Variants in CTNNA3 observed in about 807,000 individuals in gnomAD.
CTNNA3 encodes catenin alpha 3.
CTNNA3 carries 76 observed loss-of-function variants against 95.7 expected under a neutral mutation model. The ratio of observed to expected loss-of-function variants is 0.79; its 90% CI spans 0.66 to 0.96. The LOEUF (loss-of-function observed/expected upper bound fraction) is 0.96. Ranked by LOEUF, CTNNA3 falls within the 40% of genes least tolerant of loss-of-function variation. The pLI, the probability that CTNNA3 is intolerant of heterozygous loss-of-function variation, is 0.00. For missense variants in CTNNA3, 1,191 were observed against 1,089.8 expected, an observed-to-expected ratio of 1.09 and a Z score of -1.31; for synonymous variants, 431 against 374.4, an observed-to-expected ratio of 1.15 and a Z score of -1.74.
chr10:66,030,268 T>A (rs1180278156), intron 15 of CTNNA3, among the ~76,000 whole-genome samples: 1 of 152,010 alleles, frequency 6.6e-6, no homozygotes. Flanking sequence ...GCCAAAGCAA[T>A]CCTAAGCAAA....
intron 9 of CTNNA3, among the ~76,000 whole-genome samples, chr10:66,710,463 T>A (rs1848254296): frequency 6.6e-6 from 1 of 152,014 alleles, no homozygotes; most frequent in Non-Finnish European, 1.5e-5. Context: ...AATGATATGC[T>A]CCACTGCTAG....
At chr10:66,704,849 C>A (rs959253113) in intron 9 of CTNNA3, among the ~76,000 whole-genome samples, 1 of 152,132 alleles carries the variant, frequency 6.6e-6, no homozygotes, top group Non-Finnish European at 1.5e-5. Flanking sequence ...TAAAGCTTTA[C>A]TTCTTCCTTT....
chr10:67,696,909 C>T (rs548395259), upstream of CTNNA3, among the ~76,000 whole-genome samples: 4 of 152,214 alleles, frequency 2.6e-5, no homozygotes, highest in South Asian at 4.2e-4. Context: ...ACCATTTTTC[C>T]GACTTTCTTC....
intron 5 of CTNNA3, among the ~76,000 whole-genome samples, chr10:67,266,917 T>A (rs762991299): frequency 2.0e-5 from 3 of 152,238 alleles, no homozygotes; most frequent in Non-Finnish European, 2.9e-5. Context: ...TCAAATTCTA[T>A]GCTATAAATG....
intron 13 of CTNNA3, among the ~76,000 whole-genome samples, chr10:66,268,046 T>C (rs2091195796): frequency 1.3e-5 from 2 of 152,154 alleles, no homozygotes; most frequent in South Asian, 4.1e-4. Context: ...TGACTTATGG[T>C]CACATAATTG....
intron 7 of CTNNA3, among the ~76,000 whole-genome samples, chr10:67,120,060 T>A (rs1056575958): frequency 1.3e-5 from 2 of 151,862 alleles, no homozygotes; most frequent in Non-Finnish European, 2.9e-5. Context: ...CCTTAAACTA[T>A]GAAATAGCAC....
intron 1 of CTNNA3, among the ~76,000 whole-genome samples, chr10:67,716,178 T>C (rs1841141723): frequency 6.6e-6 from 1 of 152,220 alleles, no homozygotes; most frequent in South Asian, 2.1e-4. Flanking sequence ...CAAGAATTTA[T>C]GCCTCAGAAG....
At chr10:66,610,344 A>G (rs1233348622) in intron 10 of CTNNA3, among the ~76,000 whole-genome samples, 1 of 152,120 alleles carries the variant, frequency 6.6e-6, no homozygotes, top group Non-Finnish European at 1.5e-5. Context: ...AAGTTTTTTT[A>G]AAAAGGTCAG....
chr10:66,414,079 CT>C (rs901843132), intron 11 of CTNNA3, among the ~76,000 whole-genome samples: 1 of 152,018 alleles, frequency 6.6e-6, no homozygotes, highest in Non-Finnish European at 1.5e-5. Context: ...ATTTATTCTT[CT>C]TTTTTGTTTG....
intron 7 of CTNNA3, among the ~76,000 whole-genome samples, chr10:66,961,437 T>G (rs1231029709): frequency 6.6e-6 from 1 of 152,188 alleles, no homozygotes; most frequent in Non-Finnish European, 1.5e-5. Flanking sequence ...CCTACCATCT[T>G]CATTACATTC....
intron 7 of CTNNA3, among the ~76,000 whole-genome samples, chr10:66,857,968 T>A (rs932845716): frequency 6.6e-6 from 1 of 152,130 alleles, no homozygotes; most frequent in African/African-American, 2.4e-5. Flanking sequence ...AGACAGGGCA[T>A]CCTTGTCTTG....
At chr10:66,916,707 G>T (rs746614176) in intron 7 of CTNNA3, among the ~76,000 whole-genome samples, 1 of 152,164 alleles carries the variant, frequency 6.6e-6, no homozygotes, top group Non-Finnish European at 1.5e-5. Flanking sequence ...AAGTGGAAAT[G>T]AAAGAAAATC....
chr10:67,234,174 T>A (rs1258836540), intron 5 of CTNNA3, among the ~76,000 whole-genome samples: 1 of 152,148 alleles, frequency 6.6e-6, no homozygotes, highest in Non-Finnish European at 1.5e-5. Context: ...GAGGCCAGCA[T>A]CATCCTGATA....
At chr10:66,864,968 C>T (rs1432560055) in intron 7 of CTNNA3, among the ~76,000 whole-genome samples, 2 of 151,830 alleles carry the variant, frequency 1.3e-5, no homozygotes, top group African/African-American at 2.4e-5. Flanking sequence ...AATTGTTTTG[C>T]TTTTTCTCCT....
chr10:67,524,570 T>C (rs1354309879), intron 4 of CTNNA3, among the ~76,000 whole-genome samples: 1 of 152,212 alleles, frequency 6.6e-6, no homozygotes, highest in African/African-American at 2.4e-5. Flanking sequence ...GATTTCAGCT[T>C]GAACTTTTGT....
intron 7 of CTNNA3, among the ~76,000 whole-genome samples, chr10:66,865,450 A>T (rs1844135775): frequency 6.6e-6 from 1 of 152,020 alleles, no homozygotes; most frequent in Non-Finnish European, 1.5e-5. Flanking sequence ...TGCTTTTATC[A>T]CAACCACAAT....
chr10:66,055,935 A>G (rs2080077213), intron 15 of CTNNA3, among the ~76,000 whole-genome samples: 2 of 151,658 alleles, frequency 1.3e-5, no homozygotes, highest in Non-Finnish European at 1.5e-5. Context: ...AAAAAAAAAA[A>G]AAAAAAAAGA....
intron 5 of CTNNA3, among the ~76,000 whole-genome samples, chr10:67,369,708 C>T (rs1428024175): frequency 6.6e-6 from 1 of 152,026 alleles, no homozygotes; most frequent in East Asian, 1.9e-4. Context: ...TGCATATGTA[C>T]AGATAAAGAT....
intron 17 of CTNNA3, among the ~76,000 whole-genome samples, chr10:65,933,229 T>C (rs2077282503): frequency 6.6e-6 from 1 of 152,140 alleles, no homozygotes; most frequent in African/African-American, 2.4e-5. Context: ...TCCAGACACA[T>C]TGGTGCATTT....
Sources: allele counts gnomAD v4.1 joint callset (sites outside exome capture counted in the v4.1 genomes callset), GRCh38; gene constraint gnomAD v4.1.1; transcripts MANE v1.5; gene names NCBI Gene and HGNC (gene_info 2026-07-23, HGNC 2026-07-21).